EPHB1: variants seen among roughly 807,000 people sequenced by gnomAD.
The protein encoded by EPHB1 is ephrin type-B receptor 1.
A neutral mutation model predicts 94.4 loss-of-function variants in EPHB1; 30 were observed. The observed-to-expected ratio is 0.32, with a 90% CI of 0.24 to 0.43. The LOEUF (loss-of-function observed/expected upper bound fraction) is 0.43. Among genes scored for constraint, EPHB1 ranks in the 20% least tolerant of loss-of-function variants. The pLI is 1.00. For synonymous variants in EPHB1, 522 were observed against 489.1 expected (o/e 1.07, Z -0.89); for missense variants, 1,055 against 1,308.3 (o/e 0.81, Z 2.99).
intron 1 of EPHB1, among the ~76,000 whole-genome samples, chr3:134,923,534 T>A (rs1281805290): frequency 7.2e-5 from 11 of 152,184 alleles, no homozygotes; most frequent in African/African-American, 2.4e-4. Flanking sequence ...GGTGGGGCCA[T>A]TGGCCACTCC....
intron 3 of EPHB1, among the ~76,000 whole-genome samples, chr3:135,043,352 CT>C (rs771055337): frequency 4.6e-5 from 7 of 152,062 alleles, no homozygotes; most frequent in Non-Finnish European, 8.8e-5. Flanking sequence ...AATCTTCTAT[CT>C]GTTAGAAAGC....
At chr3:135,217,328 T>A (rs1217849631) in intron 12 of EPHB1, among the ~76,000 whole-genome samples, 3 of 151,738 alleles carry the variant, frequency 2.0e-5, no homozygotes, top group Non-Finnish European at 4.4e-5. Flanking sequence ...AGAGTCCTCA[T>A]GGGTAGAAAA....
intron 1 of EPHB1, among the ~76,000 whole-genome samples, chr3:134,915,011 C>A (rs371493458): frequency 2.6e-5 from 4 of 152,252 alleles, no homozygotes; most frequent in African/African-American, 9.6e-5. Context: ...AAATAGAAAC[C>A]ATGACTCACC....
chr3:135,090,175 C>T (rs1233968556), intron 3 of EPHB1, among the ~76,000 whole-genome samples: 1 of 152,212 alleles, frequency 6.6e-6, no homozygotes, highest in East Asian at 1.9e-4. Context: ...ATCTGATTTG[C>T]AACATCCACT....
At chr3:135,203,952 T>C (rs1330753219) in intron 12 of EPHB1, among the ~76,000 whole-genome samples, 2 of 152,162 alleles carry the variant, frequency 1.3e-5, no homozygotes, top group Non-Finnish European at 2.9e-5. Context: ...CAATGAAAAA[T>C]GATGCCTCAT....
intron 1 of EPHB1, among the ~76,000 whole-genome samples, chr3:134,840,948 C>T (rs187478166): frequency 3.3e-5 from 5 of 152,326 alleles, no homozygotes; most frequent in African/African-American, 1.2e-4. Context: ...CAGTCTCCAG[C>T]CGGTCACTTA....
chr3:135,003,056 G>A (rs1330807788), intron 3 of EPHB1, among the ~76,000 whole-genome samples: 2 of 152,098 alleles, frequency 1.3e-5, no homozygotes, highest in African/African-American at 4.8e-5. Context: ...ATGTTAGGGT[G>A]TCAATTTTTG....
chr3:134,930,736 C>T (rs570486050), intron 2 of EPHB1, among the ~76,000 whole-genome samples: 12 of 152,296 alleles, frequency 7.9e-5, no homozygotes, highest in Admixed American at 2.0e-4. Flanking sequence ...TCCTTCTTCC[C>T]GACACTCTGT....
chr3:135,083,442 G>A (rs1938230365), intron 3 of EPHB1, among the ~76,000 whole-genome samples: 1 of 152,030 alleles, frequency 6.6e-6, no homozygotes, highest in African/African-American at 2.4e-5. Context: ...AAGGGAGGGA[G>A]GGTTAGGGAA....
intron 12 of EPHB1, among the ~76,000 whole-genome samples, chr3:135,233,099 A>T (rs1039009828): frequency 2.6e-5 from 4 of 152,200 alleles, no homozygotes; most frequent in African/African-American, 9.6e-5. Flanking sequence ...ATTTCAAAAC[A>T]TAGTCATGCC....
At chr3:135,249,586 T>C (rs1932979922) in intron 15 of EPHB1, 95 bp downstream of exon 15, 1 of 1,398,760 alleles carries the variant, frequency 7.1e-7, no homozygotes, top group Non-Finnish European at 9.8e-7. Flanking sequence ...TCTGGCCTCA[T>C]CCCTGGAGCT....
At chr3:134,994,755 A>C (rs2107739602) in intron 3 of EPHB1, among the ~76,000 whole-genome samples, 1 of 152,304 alleles carries the variant, frequency 6.6e-6, no homozygotes, top group African/African-American at 2.4e-5. Flanking sequence ...TTTCTTTGTT[A>C]CATTTTCATT....
chr3:135,225,989 G>A (rs963365027), intron 12 of EPHB1, among the ~76,000 whole-genome samples: 3 of 152,248 alleles, frequency 2.0e-5, no homozygotes, highest in Non-Finnish European at 1.5e-5. Flanking sequence ...AAACAATAAA[G>A]AGATTAGTCA....
intron 1 of EPHB1, among the ~76,000 whole-genome samples, chr3:134,871,662 T>A (rs989365827): frequency 2.0e-5 from 3 of 152,174 alleles, no homozygotes; most frequent in Non-Finnish European, 2.9e-5. Context: ...GGACTTTAAA[T>A]ACCATCTAGA....
chr3:134,981,206 A>G (rs1034096221), intron 3 of EPHB1, among the ~76,000 whole-genome samples: 1 of 152,192 alleles, frequency 6.6e-6, no homozygotes, highest in Non-Finnish European at 1.5e-5. Context: ...CACTCTGACC[A>G]TGCTAGATTT....
intron 3 of EPHB1, among the ~76,000 whole-genome samples, chr3:134,973,760 C>T (rs748032620): frequency 6.6e-6 from 1 of 152,098 alleles, no homozygotes; most frequent in Non-Finnish European, 1.5e-5. Context: ...AATAAATTAT[C>T]TGAGCAGAAT....
chr3:134,818,115 C>T (rs988757372), intron 1 of EPHB1, among the ~76,000 whole-genome samples: 14 of 152,212 alleles, frequency 9.2e-5, no homozygotes, highest in African/African-American at 3.4e-4. Context: ...TGTCCAGGTA[C>T]TGGGATAGGC....
chr3:135,127,120 C>G (rs914989650), intron 4 of EPHB1, among the ~76,000 whole-genome samples: 1 of 152,222 alleles, frequency 6.6e-6, no homozygotes, highest in Non-Finnish European at 1.5e-5. Context: ...TAGAAGTTCA[C>G]TTTCTCAAGG....
chr3:135,190,501 C>A lies in EPHB1; in HGVS notation c.1883-2075C>A, dbSNP rs367761996. 8.0e-4 allele frequency among the ~76,000 whole-genome samples: 122 copies of A among 152,176 alleles called. 2 individuals are homozygous for A. The highest frequency in any genetic ancestry group is 2.4e-3 in the African/African-American group (98 of 41,534). ...CATATATATGCTACGTATCTACATGCATACATATATGCTACATATATACAT... is the reference window on the plus strand; with the variant it reads ...CATATATATGCTACGTATCTACATGAATACATATATGCTACATATATACAT... On this transcript the variant is annotated intron_variant, in intron 10 of 15. Coordinates refer to ENST00000398015, the MANE Select transcript of EPHB1 (RefSeq NM_004441.5).
Sources: allele counts gnomAD v4.1 joint callset (sites outside exome capture counted in the v4.1 genomes callset), GRCh38; gene constraint gnomAD v4.1.1; transcripts MANE v1.5; gene names NCBI Gene and HGNC (gene_info 2026-07-23, HGNC 2026-07-21).